Variants in CAMTA1 observed in about 807,000 individuals in gnomAD.
CAMTA1 encodes the protein calmodulin-binding transcription activator 1.
In CAMTA1, 27 loss-of-function variants were observed where a neutral mutation model predicts 170.9. That is an observed-to-expected ratio of 0.16 (90% CI 0.12 to 0.22). CAMTA1 has a LOEUF of 0.22. Among genes scored for constraint, CAMTA1 ranks in the 10% least tolerant of loss-of-function variants. The pLI, the probability that CAMTA1 is intolerant of heterozygous loss-of-function variation, is 1.00. For synonymous variants in CAMTA1, 833 were observed against 891.5 expected, an observed-to-expected ratio of 0.93 and a Z score of 1.17; for missense variants, 1,619 against 2,217.2, an observed-to-expected ratio of 0.73 and a Z score of 5.42.
intron 3 of CAMTA1, among the ~76,000 whole-genome samples, chr1:6,836,881 C>T (rs753874325): frequency 4.6e-5 from 7 of 151,938 alleles, no homozygotes; most frequent in Non-Finnish European, 8.8e-5. Flanking sequence ...CCAGGCCAAG[C>T]CTCTTGAGGA....
At chr1:7,223,740 A>C (rs953973829) in intron 4 of CAMTA1, among the ~76,000 whole-genome samples, 4 of 152,220 alleles carry the variant, frequency 2.6e-5, no homozygotes, top group African/African-American at 9.6e-5. Context: ...TTGCTAAGCA[A>C]TCTTCCCAGC....
chr1:6,857,568 G>C (rs1662911397), intron 3 of CAMTA1, among the ~76,000 whole-genome samples: 1 of 152,164 alleles, frequency 6.6e-6, no homozygotes, highest in Admixed American at 6.5e-5. Flanking sequence ...GGCAAGGTAG[G>C]GTCGGGCTGT....
At chr1:7,397,067 T>C (rs2089374334) in intron 5 of CAMTA1, among the ~76,000 whole-genome samples, 1 of 152,194 alleles carries the variant, frequency 6.6e-6, no homozygotes, top group Non-Finnish European at 1.5e-5. Flanking sequence ...TTGGAAAACA[T>C]TGGTAATAGT....
At chr1:7,734,190 G>A (rs980860951) in intron 12 of CAMTA1, among the ~76,000 whole-genome samples, 4 of 152,058 alleles carry the variant, frequency 2.6e-5, no homozygotes, top group African/African-American at 4.8e-5. Flanking sequence ...CAGGTGATCC[G>A]CCTGCCTCGG....
intron 5 of CAMTA1, among the ~76,000 whole-genome samples, chr1:7,437,412 G>A (rs1158184983): frequency 6.6e-6 from 1 of 152,134 alleles, no homozygotes; most frequent in African/African-American, 2.4e-5. Context: ...CCCTGGGCTG[G>A]GAGAAGCCTC....
intron 3 of CAMTA1, among the ~76,000 whole-genome samples, chr1:7,051,727 A>G (rs901995866): frequency 1.3e-5 from 2 of 152,120 alleles, no homozygotes; most frequent in Non-Finnish European, 2.9e-5. Context: ...GGACAGACTC[A>G]GGACCAGCCT....
intron 6 of CAMTA1, among the ~76,000 whole-genome samples, chr1:7,490,873 C>A (rs1353577598): frequency 6.6e-6 from 1 of 152,198 alleles, no homozygotes; most frequent in Non-Finnish European, 1.5e-5. Context: ...CCTGGGAAGA[C>A]TTTGGGCCTC....
chr1:6,864,069 A>T (rs1665742135), intron 3 of CAMTA1, among the ~76,000 whole-genome samples: 1 of 152,160 alleles, frequency 6.6e-6, no homozygotes, highest in Non-Finnish European at 1.5e-5. Context: ...CATTCTCATC[A>T]CATCATATCA....
At chr1:7,598,682 T>C (rs2095418942) in intron 6 of CAMTA1, among the ~76,000 whole-genome samples, 1 of 152,260 alleles carries the variant, frequency 6.6e-6, no homozygotes, top group African/African-American at 2.4e-5. Context: ...CCTTCTCTGA[T>C]GGCCAGTGAT....
chr1:7,447,234 G>C (rs1263499863), intron 5 of CAMTA1, among the ~76,000 whole-genome samples: 1 of 152,094 alleles, frequency 6.6e-6, no homozygotes, highest in East Asian at 1.9e-4. Context: ...CGCGTGGATG[G>C]TGTAGCACCA....
At chr1:7,459,289 T>G (rs1424243343) in intron 5 of CAMTA1, among the ~76,000 whole-genome samples, 1 of 152,236 alleles carries the variant, frequency 6.6e-6, no homozygotes, top group East Asian at 1.9e-4. Flanking sequence ...AAGACACTTG[T>G]GCAACTAGAG....
intron 6 of CAMTA1, among the ~76,000 whole-genome samples, chr1:7,551,315 CAT>C (rs1491357816): frequency 6.6e-6 from 1 of 152,088 alleles, no homozygotes; most frequent in Non-Finnish European, 1.5e-5. Flanking sequence ...AGTGTATGTG[CAT>C]GTGTGTGTGT....
intron 3 of CAMTA1, among the ~76,000 whole-genome samples, chr1:6,991,213 C>T (rs1696320364): frequency 6.6e-6 from 1 of 151,954 alleles, no homozygotes; most frequent in Non-Finnish European, 1.5e-5. Flanking sequence ...TTGTACAAGT[C>T]TTTTTTGGGG....
At chr1:7,537,053 G>A (rs935722986) in intron 6 of CAMTA1, among the ~76,000 whole-genome samples, 12 of 152,222 alleles carry the variant, frequency 7.9e-5, no homozygotes, top group Non-Finnish European at 7.3e-5. Flanking sequence ...CAGTCAGGTA[G>A]CAGCCTCTGA....
Position 7,069,700 on chromosome 1 carries a change from AGTGGGAACAGG to A in CAMTA1, c.235-21602_235-21592del, listed in dbSNP as rs374351594. 9.1e-4 allele frequency among the ~76,000 whole-genome samples: 139 copies of A among 152,086 alleles called. 2 individuals carry two copies. The East Asian group carries it at 0.02, about 22-fold the overall frequency. Reference sequence around the variant, plus strand: ...GGGGTGCTGTGGCCTCTGAGAGTGGAGTGGGAACAGGGGACTGGCAGAGGAGCTGGTAGCGA... The same window carrying A: ...GGGGTGCTGTGGCCTCTGAGAGTGGAGGACTGGCAGAGGAGCTGGTAGCGA... On this transcript the variant is annotated intron_variant, in intron 3 of 22. Coordinates refer to ENST00000303635, the MANE Select transcript of CAMTA1 (RefSeq NM_015215.4).
chr1:6,903,545 A>C (rs577060944), intron 3 of CAMTA1, among the ~76,000 whole-genome samples: 2 of 152,366 alleles, frequency 1.3e-5, no homozygotes, highest in South Asian at 4.1e-4. Context: ...GGCATTATCC[A>C]GTATTTTACT....
At chr1:7,728,437 C>T (rs145420320) in intron 11 of CAMTA1, among the ~76,000 whole-genome samples, 8 of 152,334 alleles carry the variant, frequency 5.3e-5, no homozygotes, top group African/African-American at 1.2e-4. Flanking sequence ...TGTCTGCCAC[C>T]GGATGTTGAT....
At chr1:7,341,153 C>T (rs1418250474) in intron 5 of CAMTA1, among the ~76,000 whole-genome samples, 6 of 152,220 alleles carry the variant, frequency 3.9e-5, no homozygotes, top group Admixed American at 2.6e-4. Flanking sequence ...GCAGCCTGCA[C>T]CCTGAGCTCT....
At chr1:6,931,352 T>C (rs1466492573) in intron 3 of CAMTA1, among the ~76,000 whole-genome samples, 1 of 152,188 alleles carries the variant, frequency 6.6e-6, no homozygotes, top group Non-Finnish European at 1.5e-5. Context: ...CAGAGTCACT[T>C]ATCTCAGCAC....
Sources: allele counts gnomAD v4.1 joint callset (sites outside exome capture counted in the v4.1 genomes callset), GRCh38; gene constraint gnomAD v4.1.1; transcripts MANE v1.5; gene names NCBI Gene and HGNC (gene_info 2026-07-23, HGNC 2026-07-21).